Variants in ZNF385D observed in about 807,000 individuals in gnomAD.
ZNF385D encodes the protein zinc finger protein 659.
Under a neutral mutation model 35.8 loss-of-function variants are expected in ZNF385D, and 15 were observed. The observed-to-expected ratio is 0.42, with a 90% CI of 0.28 to 0.64. ZNF385D has a LOEUF of 0.64. Among genes scored for constraint, ZNF385D ranks in the 30% least tolerant of loss-of-function variants. ZNF385D has a pLI of 0.23. For synonymous variants in ZNF385D, 212 were observed against 186.8 expected (o/e 1.13, Z -1.10); for missense variants, 474 against 494.6 (o/e 0.96, Z 0.39).
At chr3:22,362,070 T>C (rs1696434968) in intron 2 of ZNF385D, among the ~76,000 whole-genome samples, 1 of 151,470 alleles carries the variant, frequency 6.6e-6, no homozygotes, top group Non-Finnish European at 1.5e-5. Context: ...GTATGCTATT[T>C]GGTTTTTTCA....
At chr3:22,367,462 T>C (rs1036316182) in intron 2 of ZNF385D, among the ~76,000 whole-genome samples, 64 of 152,322 alleles carry the variant, frequency 4.2e-4, no homozygotes, top group African/African-American at 1.5e-3. Flanking sequence ...ATGTAGAATT[T>C]ATAGCCACCT....
chr3:21,787,374 G>A (rs1036830997), intron 3 of ZNF385D, among the ~76,000 whole-genome samples: 2 of 152,142 alleles, frequency 1.3e-5, no homozygotes, highest in Admixed American at 6.5e-5. Flanking sequence ...GAAGTGGTGA[G>A]AAGTGAAGAG....
chr3:22,320,207 A>G (rs1694348310), intron 2 of ZNF385D, among the ~76,000 whole-genome samples: 1 of 152,238 alleles, frequency 6.6e-6, no homozygotes, highest in East Asian at 1.9e-4. Context: ...CAGACAAAAG[A>G]TAACTGTTTC....
At chr3:22,158,330 TG>T (rs1426212182) in intron 3 of ZNF385D, among the ~76,000 whole-genome samples, 1 of 152,088 alleles carries the variant, frequency 6.6e-6, no homozygotes, top group East Asian at 1.9e-4. Flanking sequence ...GAAGTTCTAT[TG>T]GAAACCAGAG....
chr3:21,422,061 A>T (rs1250457308), intron 7 of ZNF385D, among the ~76,000 whole-genome samples: 3 of 152,214 alleles, frequency 2.0e-5, no homozygotes, highest in Non-Finnish European at 1.5e-5. Flanking sequence ...CTACAAAGCC[A>T]GTTCATTCTC....
At chr3:21,809,150 T>A (rs1161420103) in intron 3 of ZNF385D, among the ~76,000 whole-genome samples, 2 of 152,102 alleles carry the variant, frequency 1.3e-5, no homozygotes, top group African/African-American at 4.8e-5. Flanking sequence ...ATGACATAGA[T>A]GTTGAAATTA....
At chr3:22,034,914 A>C (rs1698220547) in intron 3 of ZNF385D, among the ~76,000 whole-genome samples, 1 of 152,220 alleles carries the variant, frequency 6.6e-6, no homozygotes, top group South Asian at 2.1e-4. Flanking sequence ...AATTTATCTT[A>C]CAGAATAATA....
At chr3:21,984,982 T>C (rs988572132) in intron 3 of ZNF385D, among the ~76,000 whole-genome samples, 14 of 151,732 alleles carry the variant, frequency 9.2e-5, no homozygotes, top group Non-Finnish European at 1.8e-4. Context: ...GTTTTTTGTG[T>C]ATAAGAATGC....
chr3:21,466,862 C>G (rs1703550158), intron 4 of ZNF385D, among the ~76,000 whole-genome samples: 1 of 152,148 alleles, frequency 6.6e-6, no homozygotes, highest in South Asian at 2.1e-4. Flanking sequence ...GTATCTATTA[C>G]TGCCCCACCA....
At chr3:21,688,288 C>T (rs2067174155) in intron 1 of ZNF385D, among the ~76,000 whole-genome samples, 1 of 152,068 alleles carries the variant, frequency 6.6e-6, no homozygotes, top group Admixed American at 6.5e-5. Context: ...CTGACAAGTA[C>T]TCTATTTTAG....
intron 1 of ZNF385D, among the ~76,000 whole-genome samples, chr3:21,695,447 C>A (rs2067436242): frequency 6.6e-6 from 1 of 152,014 alleles, no homozygotes; most frequent in African/African-American, 2.4e-5. Flanking sequence ...CTTTTTAGTT[C>A]AAAGGTTGGG....
intron 2 of ZNF385D, among the ~76,000 whole-genome samples, chr3:21,635,801 C>T (rs1035080454): frequency 6.6e-6 from 1 of 152,110 alleles, no homozygotes; most frequent in Non-Finnish European, 1.5e-5. Context: ...TGAGTGAGAA[C>T]ATACGATGTT....
At chr3:21,774,036 T>C (rs1216885772) in intron 3 of ZNF385D, among the ~76,000 whole-genome samples, 1 of 151,970 alleles carries the variant, frequency 6.6e-6, no homozygotes, top group Non-Finnish European at 1.5e-5. Context: ...CCATCAATGA[T>C]AGACTGCGTA....
intron 3 of ZNF385D, among the ~76,000 whole-genome samples, chr3:21,826,133 G>A (rs1694606974): frequency 6.6e-6 from 1 of 152,158 alleles, no homozygotes; most frequent in South Asian, 2.1e-4. Flanking sequence ...TTTCTCTTAA[G>A]TTGCTTTGAC....
rs565622694 is a variant in ZNF385D, at chr3:21,836,278, C to T, written c.326-171250G>A. Among the ~76,000 whole-genome samples the T allele has an allele frequency of 8.5e-5, 13 of 152,200 alleles. No homozygotes were observed. The East Asian group carries it at 2.5e-3, about 29-fold the overall frequency. On this transcript the variant is annotated intron_variant, in intron 3 of 5. Coordinates refer to the ZNF385D transcript ENST00000494108. The stretch of plus-strand genomic sequence containing the variant: ...GGCGCATTAAATCATTTTCGTGTCA[C>T]TTTTTCGATTAAAGTATCATCAAAC...
chr3:22,031,223 T>G (rs1012010558), intron 3 of ZNF385D, among the ~76,000 whole-genome samples: 1 of 152,212 alleles, frequency 6.6e-6, no homozygotes, highest in Admixed American at 6.5e-5. Flanking sequence ...GGTAGCCCTT[T>G]TCTCACGGCT....
At chr3:21,773,963 T>C (rs1399306400) in intron 3 of ZNF385D, among the ~76,000 whole-genome samples, 2 of 152,106 alleles carry the variant, frequency 1.3e-5, no homozygotes, top group East Asian at 3.9e-4. Flanking sequence ...TAAAGATACA[T>C]GCACACATAT....
intron 2 of ZNF385D, among the ~76,000 whole-genome samples, chr3:22,202,004 G>C (rs1332656513): frequency 6.6e-6 from 1 of 151,996 alleles, no homozygotes; most frequent in East Asian, 1.9e-4. Context: ...GAAACATTTA[G>C]TTAAGGTTTC....
At chr3:22,337,261 G>T (rs757955557) in intron 2 of ZNF385D, among the ~76,000 whole-genome samples, 2 of 152,030 alleles carry the variant, frequency 1.3e-5, no homozygotes, top group East Asian at 3.9e-4. Context: ...GCCGGATGTG[G>T]CATCTCACGT....
Sources: allele counts gnomAD v4.1 joint callset (sites outside exome capture counted in the v4.1 genomes callset), GRCh38; gene constraint gnomAD v4.1.1; transcripts MANE v1.5; gene names NCBI Gene and HGNC (gene_info 2026-07-23, HGNC 2026-07-21).